Variants in SFXN4 observed in about 807,000 individuals in gnomAD.
SFXN4 encodes the protein sideroflexin-4.
SFXN4 carries 48 observed loss-of-function variants against 54.6 expected under a neutral mutation model. The ratio of observed to expected loss-of-function variants is 0.88; its 90% confidence interval spans 0.70 to 1.12. The LOEUF (loss-of-function observed/expected upper bound fraction) is 1.12, where lower values mean the gene tolerates loss of function less well. SFXN4 is among the 50% of genes most tolerant of loss of function. The probability of loss-of-function intolerance (pLI) is 0.00; values close to 1 mark genes in which losing one functional copy is unlikely to be tolerated. For synonymous variants in SFXN4, 130 were observed against 145.5 expected (o/e 0.89, Z 0.77); for missense variants, 383 against 409.2 (o/e 0.94, Z 0.55).
chr10:119,152,438 C>G (rs1000777530), intron 11 of SFXN4, among the ~76,000 whole-genome samples: 5 of 151,858 alleles, frequency 3.3e-5, no homozygotes, highest in Admixed American at 6.6e-5. Context: ...CGCCACCATG[C>G]CCAGCTAATT....
chr10:119,144,286 T>C (rs1246134105), intron 13 of SFXN4, among the ~76,000 whole-genome samples: 2 of 151,982 alleles, frequency 1.3e-5, no homozygotes, highest in Middle Eastern at 3.4e-3. Context: ...GAAACCCCAT[T>C]TCTACTAAAA....
chr10:119,160,971 T>C lies in SFXN4; in HGVS notation c.280-2A>G. The C allele has an allele frequency of 1.2e-6, 2 of 1,614,166 alleles. No individual in the cohort carries two copies. Among genetic ancestry groups the C allele is most frequent in the Non-Finnish European group, 1.7e-6 (2 of 1,180,014 alleles). On this transcript the variant is annotated splice_acceptor_variant, in intron 4 of 13. Coordinates refer to ENST00000355697, the MANE Select transcript of SFXN4 (RefSeq NM_213649.2). LOFTEE classifies it high-confidence loss of function. The stretch of plus-strand genomic sequence containing the variant: ...GCTGCTGTCGGGATGCACTGTTGCC[T>C]TCAAAAGGAGAGATGCAAGGTTAGC...
chr10:119,160,219 T>C (rs188067877), intron 5 of SFXN4, among the ~76,000 whole-genome samples: 125 of 152,152 alleles, frequency 8.2e-4, no homozygotes, highest in African/African-American at 2.7e-3. Flanking sequence ...ATAAAATTAC[T>C]ATAACATGGC....
At position 119,155,174 on chromosome 10, in the gene SFXN4, T is replaced by C. The variant is rs1450955135; in HGVS notation, c.620A>G (p.Gln207Arg). Residue 207 changes from glutamine to arginine, a missense_variant, in exon 11 of 14, where the codon CAA (glutamine) becomes CGA (arginine). Coordinates refer to ENST00000355697, the MANE Select transcript of SFXN4 (RefSeq NM_213649.2). The stretch of plus-strand genomic sequence containing the variant: ...CATGTAGACATTCATTCCACTGGCT[T>C]GCACTGTAGATGTAAAGAAGTAAAG... ...KRLLPVIFLV[Q>R]ASGMNVYMSR... is the part of the protein sequence containing the mutation. The C allele has an allele frequency of 6.2e-7, 1 of 1,610,078 alleles. No homozygotes were observed. Among genetic ancestry groups the C allele is most frequent in the South Asian group, 1.1e-5 (1 of 91,008 alleles).
rs138404055 is a variant in SFXN4 at position 119,149,123 on chromosome 10, G to A, written c.733-1263C>T. 5.2e-4 allele frequency among the ~76,000 whole-genome samples: 79 copies of A among 152,170 alleles called. 1 individual carries two copies. The East Asian group carries it at 9.9e-3, about 19-fold the overall frequency. On this transcript the variant is annotated intron_variant, in intron 11 of 13. Coordinates refer to ENST00000355697, the MANE Select transcript of SFXN4 (RefSeq NM_213649.2). ...GCTGGTCCCGACTTCCTGGCCTCAC[G>A]CAATCCTCCTACCCCAGCCTCCTGA... is the stretch of plus-strand genomic sequence containing the variant.
intron 4 of SFXN4, 29 bp downstream of exon 4, chr10:119,161,026 C>T (rs1415949344): frequency 6.2e-7 from 1 of 1,614,122 alleles, no homozygotes; most frequent in Non-Finnish European, 8.5e-7. Flanking sequence ...TTATAGGACA[C>T]TAAAAATTAG....
intron 5 of SFXN4, among the ~76,000 whole-genome samples, chr10:119,160,515 CA>C (rs200594750): frequency 1.4e-3 from 171 of 123,884 alleles, no homozygotes; most frequent in African/African-American, 4.0e-3. Context: ...GACACTGTTT[CA>C]AAAAAAAAAA....
intron 5 of SFXN4, among the ~76,000 whole-genome samples, chr10:119,160,032 A>T (rs919997605): frequency 1.3e-5 from 2 of 152,026 alleles, no homozygotes; most frequent in Non-Finnish European, 2.9e-5. Flanking sequence ...AAAAATTTAA[A>T]GCCAGGTGTG....
At chr10:119,142,944 G>A (rs965957333) in intron 13 of SFXN4, among the ~76,000 whole-genome samples, 3 of 151,946 alleles carry the variant, frequency 2.0e-5, no homozygotes, top group African/African-American at 7.3e-5. Flanking sequence ...GTGTTAGCCA[G>A]GATGGTCTCA....
chr10:119,159,519 T>A (rs1847428467), intron 6 of SFXN4, among the ~76,000 whole-genome samples: 2 of 145,974 alleles, frequency 1.4e-5, no homozygotes, highest in Non-Finnish European at 3.1e-5. Flanking sequence ...GAGGCCCGGA[T>A]GCCTGACTGG....
At chr10:119,141,439 T>C in intron 13 of SFXN4, 120 bp from the exon 14 acceptor site, 1 of 540,260 alleles carries the variant, frequency 1.9e-6, no homozygotes, top group South Asian at 2.5e-5. Flanking sequence ...CAATAATGTC[T>C]AATCTATAGC....
intron 11 of SFXN4, among the ~76,000 whole-genome samples, chr10:119,153,413 AAAAGAAAGAAAAG>A (rs1847152802): frequency 1.3e-5 from 2 of 151,872 alleles, no homozygotes; most frequent in Admixed American, 1.3e-4. Flanking sequence ...AAAAAAAAAA[AAAAGAAAGAAAAG>A]AAAAAGAAAG....
chr10:119,148,674 GTGTTA>G (rs1166153867), intron 11 of SFXN4, among the ~76,000 whole-genome samples: 2 of 152,096 alleles, frequency 1.3e-5, no homozygotes, highest in Non-Finnish European at 2.9e-5. Context: ...CGAATTAAAA[GTGTTA>G]TACTATAAAA....
At chr10:119,142,991 CAA>C (rs1046387407) in intron 13 of SFXN4, among the ~76,000 whole-genome samples, 3 of 151,588 alleles carry the variant, frequency 2.0e-5, no homozygotes, top group Non-Finnish European at 4.4e-5. Context: ...CTCGGCCTCC[CAA>C]AGTGCTGGGA....
At position 119,146,281 on chromosome 10, in the gene SFXN4, T is replaced by C; in HGVS notation, c.891A>G (p.Gly297=). ...LKLSCTVLAM[G]LMVPFSFSIF... ...TACTAAAAGAAAATGGCACCATCAG[T>C]CCCATTGCCAGGACAGTACAAGACA... is the stretch of plus-strand genomic sequence containing the variant. Residue 297 remains glycine, a synonymous_variant, in exon 13 of 14, where the codon GGA becomes GGG. Transcript: ENST00000355697. 2 of 1,613,380 alleles carry C rather than the reference T, an allele frequency of 1.2e-6. No individual in the cohort carries two copies. The highest frequency in any genetic ancestry group is 1.7e-6 in the Non-Finnish European group (2 of 1,179,544).
intron 10 of SFXN4, among the ~76,000 whole-genome samples, chr10:119,155,473 C>G (rs943181580): frequency 1.3e-5 from 2 of 152,046 alleles, no homozygotes; most frequent in African/African-American, 4.8e-5. Flanking sequence ...ATCTTGGAAA[C>G]ATATTCCTCC....
At chr10:119,147,040 G>C (rs1419455096) in intron 12 of SFXN4, among the ~76,000 whole-genome samples, 1 of 152,216 alleles carries the variant, frequency 6.6e-6, no homozygotes, top group Non-Finnish European at 1.5e-5. Context: ...CCTGGGGTTT[G>C]CTGTGTTCCA....
rs368539311 is a variant in SFXN4, at chr10:119,164,040, CAAAAAAAAAAAAAA to C, written c.177+77_177+90del. ...GGGCAAGAAGAACGAAACTCCGTCT[CAAAAAAAAAAAAAA>C]AAAAAAAAAAGGGACACACAGACTT... On this transcript the variant is annotated intron_variant, in intron 2 of 13. Transcript: ENST00000355697. The C allele has an allele frequency of 5.0e-4, 156 of 309,820 alleles. 4 individuals are homozygous for C. The highest frequency in any genetic ancestry group is 6.5e-4 in the Admixed American group (9 of 13,874). The allele number at this position is 309,820 out of a possible 1,614,324, so 19.2% of individuals were successfully genotyped here.
Position 119,165,130 on chromosome 10 carries a change from G to A in SFXN4, c.111+407C>T, listed in dbSNP as rs1847716964. 4 of 852,394 alleles carry A rather than the reference G, an allele frequency of 4.7e-6. No individual in the cohort carries two copies. In the South Asian group the frequency reaches 1.4e-4, roughly 29 times the overall value. 52.8% of individuals were successfully genotyped at this position (852,394 alleles called of 1,614,324 possible). On this transcript the variant is annotated intron_variant, in intron 1 of 13. Coordinates refer to ENST00000355697, the MANE Select transcript of SFXN4 (RefSeq NM_213649.2). ...TGCCCTAGACGCTGCAGGGAGATAA[G>A]TCCTGCTTATGTCCTGCCCAAGGGT... is the stretch of plus-strand genomic sequence containing the variant.
Sources: gnomAD v4.1 joint callset for allele counts (sites outside exome capture counted in the v4.1 genomes callset) on GRCh38, gnomAD v4.1.1 for gene constraint, MANE v1.5 for transcripts, NCBI Gene and HGNC (gene_info 2026-07-23, HGNC 2026-07-21) for gene names.